Variants in SEMA5A observed in about 807,000 individuals in gnomAD.
SEMA5A encodes the protein semaphorin 5A.
Under a neutral mutation model 135.5 loss-of-function variants are expected in SEMA5A, and 55 were observed. The observed-to-expected ratio is 0.41, with a 90% CI of 0.33 to 0.51. SEMA5A has a LOEUF of 0.51. SEMA5A is among the 20% of genes least tolerant of loss of function. SEMA5A has a pLI of 0.37. For missense variants in SEMA5A, 1,290 were observed against 1,419.9 expected (o/e 0.91, Z 1.47); for synonymous variants, 580 against 546.5 (o/e 1.06, Z -0.85).
intron 1 of SEMA5A, among the ~76,000 whole-genome samples, chr5:9,487,870 G>A (rs949126937): frequency 9.2e-5 from 14 of 152,118 alleles, no homozygotes; most frequent in African/African-American, 2.9e-4. Context: ...ATTAACTTTC[G>A]CACATTTATT....
chr5:9,243,615 G>A (rs996043622), intron 5 of SEMA5A, among the ~76,000 whole-genome samples: 17 of 152,032 alleles, frequency 1.1e-4, no homozygotes, highest in Admixed American at 8.5e-4. Flanking sequence ...GCAAAATAAT[G>A]GTAACAATTT....
At chr5:9,092,843 T>C (rs970436482) in intron 16 of SEMA5A, among the ~76,000 whole-genome samples, 2 of 152,220 alleles carry the variant, frequency 1.3e-5, no homozygotes, top group African/African-American at 4.8e-5. Flanking sequence ...ATTACCTTTT[T>C]AAAAAATCAC....
In SEMA5A at chr5:9,204,370, G is replaced by T. The variant is rs993469583; in HGVS notation, c.647-2130C>A. Among the ~76,000 whole-genome samples, 3 of 152,126 alleles carry T rather than the reference G, an allele frequency of 2.0e-5. No homozygotes were observed. Among genetic ancestry groups the T allele is most frequent in the Non-Finnish European group, 4.4e-5 (3 of 68,034 alleles). ...TATTACCCACTTCTGCTATTAACTT[G>T]GGGACAAATGGCATGAAAACCACAT... On this transcript the variant is annotated intron_variant, in intron 8 of 22. Coordinates refer to ENST00000382496, the MANE Select transcript of SEMA5A (RefSeq NM_003966.3). The surrounding 1 kb of genome is among the most constrained non-coding windows in gnomAD (Gnocchi z 6.4).
At position 9,201,960 on chromosome 5, in the gene SEMA5A, G is replaced by T. The variant is rs1745731302; in HGVS notation, c.927C>A (p.Thr309=). Residue 309 remains threonine (T), a synonymous_variant, in exon 9 of 23, where the codon ACC becomes ACA. Coordinates refer to ENST00000382496, the MANE Select transcript of SEMA5A (RefSeq NM_003966.3). ...AATTATTTCAAGTTACATACACATT[G>T]GTGGTAAAGATGCCATAGATCAAAT... The part of the protein sequence containing the change: ...ELDLIYGIFT[T]NVNSIAASAV... 1 of 1,613,328 alleles carries T rather than the reference G, an allele frequency of 6.2e-7. No individual in the cohort carries two copies. Among genetic ancestry groups the T allele is most frequent in the African/African-American group, 1.3e-5 (1 of 74,892 alleles).
At chr5:9,486,913 T>C (rs1412273990) in intron 1 of SEMA5A, among the ~76,000 whole-genome samples, 2 of 152,022 alleles carry the variant, frequency 1.3e-5, no homozygotes, top group East Asian at 1.9e-4. Flanking sequence ...AAAGAAAAAT[T>C]GTTGTGATTT....
chr5:9,425,193 C>G (rs1391419387), intron 2 of SEMA5A, among the ~76,000 whole-genome samples: 2 of 139,054 alleles, frequency 1.4e-5, no homozygotes, highest in Non-Finnish European at 3.1e-5. Context: ...ATGAACCCAT[C>G]TGAATTCTTT....
chr5:9,295,908 A>T (rs759077152), intron 5 of SEMA5A, among the ~76,000 whole-genome samples: 2 of 152,220 alleles, frequency 1.3e-5, no homozygotes, highest in Non-Finnish European at 1.5e-5. Context: ...ACCTGAGTGG[A>T]AATCATTGTT....
intron 15 of SEMA5A, among the ~76,000 whole-genome samples, chr5:9,109,979 G>A (rs191993470): frequency 6.6e-6 from 1 of 152,154 alleles, no homozygotes; most frequent in African/African-American, 2.4e-5. Context: ...CATGGGGAAT[G>A]TGTGGGCTTC....
intron 16 of SEMA5A, among the ~76,000 whole-genome samples, chr5:9,082,174 T>G (rs1738422825): frequency 6.6e-6 from 1 of 152,210 alleles, no homozygotes; most frequent in Non-Finnish European, 1.5e-5. Context: ...TTTACTGATT[T>G]AAAAACTGAA....
intron 15 of SEMA5A, among the ~76,000 whole-genome samples, chr5:9,118,761 A>G (rs1740650458): frequency 6.6e-6 from 1 of 152,120 alleles, no homozygotes; most frequent in African/African-American, 2.4e-5. Flanking sequence ...TCCCTTGGCA[A>G]TTGCTCAGCG....
intron 5 of SEMA5A, among the ~76,000 whole-genome samples, chr5:9,309,659 C>CGAG (rs1312993567): frequency 6.6e-6 from 1 of 151,904 alleles, no homozygotes; most frequent in Non-Finnish European, 1.5e-5. Context: ...GACTCACTTG[C>CGAG]GAGGGAGGAA....
In SEMA5A at chr5:9,259,625, C is replaced by T. The variant is rs545152897; in HGVS notation, c.271-21735G>A. Reference sequence around the variant, plus strand: ...GGTATCCTTGTTGACTTTCTGTCTCCCTGCTCCTGAATGACTACTGGGTAC... The same window carrying T: ...GGTATCCTTGTTGACTTTCTGTCTCTCTGCTCCTGAATGACTACTGGGTAC... On this transcript the variant is annotated intron_variant, in intron 5 of 22. Coordinates refer to ENST00000382496, the MANE Select transcript of SEMA5A (RefSeq NM_003966.3). 1.2e-3 allele frequency among the ~76,000 whole-genome samples: 185 copies of T among 152,092 alleles called. 2 individuals carry two copies. The highest frequency in any genetic ancestry group is 4.3e-3 in the African/African-American group (177 of 41,446).
chr5:9,305,657 G>C (rs1751823088), intron 5 of SEMA5A, among the ~76,000 whole-genome samples: 1 of 150,762 alleles, frequency 6.6e-6, no homozygotes, highest in Non-Finnish European at 1.5e-5. Context: ...ACCAACACCG[G>C]GGAGAAGGGC....
At chr5:9,180,960 C>T (rs541391436) in intron 11 of SEMA5A, among the ~76,000 whole-genome samples, 11 of 152,212 alleles carry the variant, frequency 7.2e-5, no homozygotes, top group African/African-American at 9.6e-5. Context: ...AAAAATGATT[C>T]GTAGCAAGCA....
At chr5:9,291,032 T>G (rs1162513693) in intron 5 of SEMA5A, among the ~76,000 whole-genome samples, 2 of 152,196 alleles carry the variant, frequency 1.3e-5, no homozygotes, top group Admixed American at 6.5e-5. Flanking sequence ...ATTTTAATAT[T>G]AGTACATTTT....
chr5:9,482,492 C>T (rs769112218), intron 1 of SEMA5A, among the ~76,000 whole-genome samples: 5 of 152,122 alleles, frequency 3.3e-5, no homozygotes, highest in Non-Finnish European at 7.4e-5. Flanking sequence ...GAAAAACAGC[C>T]CCTCTCAGGC....
chr5:9,129,612 A>G (rs1023801407), intron 13 of SEMA5A, among the ~76,000 whole-genome samples: 23 of 152,226 alleles, frequency 1.5e-4, no homozygotes, highest in African/African-American at 5.5e-4. Context: ...GCTTCCTTAA[A>G]CAGACATCAG....
Position 9,062,955 on chromosome 5 carries a change from T to C in SEMA5A, c.2450A>G (p.Lys817Arg). ...GCCAAGGCAAGGCATTCCCCCATAC[T>C]TGGGTTCGGGGTTGTTGCAAACACG... ...RKRVCNNPEP[K>R]YGGMPCLGPS... The change falls in exon 18 of 23, where the codon AAG becomes AGG. Residue 817 changes from lysine to arginine, a missense_variant. Lys to Arg is a conservative substitution (Grantham distance 26, BLOSUM62 2). This residue lies in a region of SEMA5A where 1,029 missense variants were observed against 1,086.6 expected (regional missense o/e 0.95). Transcript: ENST00000382496. 1 of 1,614,240 alleles carries C rather than the reference T, an allele frequency of 6.2e-7. No individual in the cohort carries two copies. Among genetic ancestry groups the C allele is most frequent in the Non-Finnish European group, 8.5e-7 (1 of 1,180,032 alleles).
chr5:9,282,270 T>C (rs1750582318), intron 5 of SEMA5A, among the ~76,000 whole-genome samples: 1 of 151,976 alleles, frequency 6.6e-6, no homozygotes, highest in Non-Finnish European at 1.5e-5. Flanking sequence ...ACACACCAAA[T>C]AGAAGAAAGC....
Sources: gnomAD v4.1 joint callset for allele counts (sites outside exome capture counted in the v4.1 genomes callset) on GRCh38, gnomAD v4.1.1 for gene constraint, gnomAD v4.1.1 regional missense constraint, Gnocchi (gnomAD v3.1) non-coding constraint, MANE v1.5 for transcripts, NCBI Gene and HGNC (gene_info 2026-07-23, HGNC 2026-07-21) for gene names.